The following PTPRD variants were observed in gnomAD, a reference collection of about 807,000 sequenced individuals.
PTPRD encodes the protein protein tyrosine phosphatase receptor type D, also known as receptor-type tyrosine-protein phosphatase delta.
Under a neutral mutation model 214.5 loss-of-function variants are expected in PTPRD, and 34 were observed. The ratio of observed to expected loss-of-function variants is 0.16; its 90% CI spans 0.12 to 0.21. The LOEUF is 0.21. Ranked by LOEUF, PTPRD falls within the 10% of genes least tolerant of loss-of-function variation. The pLI, the probability that PTPRD is intolerant of heterozygous loss-of-function variation, is 1.00. For synonymous variants in PTPRD, 1,128 were observed against 845.7 expected (o/e 1.33, Z -5.79); for missense variants, 2,545 against 2,398.7 (o/e 1.06, Z -1.27).
intron 14 of PTPRD, among the ~76,000 whole-genome samples, chr9:8,538,024 G>A (rs191638306): frequency 6.6e-6 from 1 of 151,892 alleles, no homozygotes; most frequent in Non-Finnish European, 1.5e-5. Context: ...CTCCTACCTA[G>A]TAACACTATT....
At chr9:9,678,956 T>A (rs1028242805) in intron 7 of PTPRD, among the ~76,000 whole-genome samples, 1 of 151,796 alleles carries the variant, frequency 6.6e-6, no homozygotes, top group Non-Finnish European at 1.5e-5. Context: ...GAAAATATTT[T>A]AAAAAATTAA....
intron 14 of PTPRD, among the ~76,000 whole-genome samples, chr9:8,558,039 G>C (rs907607112): frequency 1.3e-5 from 2 of 151,970 alleles, no homozygotes; most frequent in Non-Finnish European, 2.9e-5. Flanking sequence ...TATTATTTCT[G>C]CTACAATAAG....
intron 34 of PTPRD, among the ~76,000 whole-genome samples, chr9:8,448,505 A>C (rs2095822068): frequency 6.6e-6 from 1 of 152,232 alleles, no homozygotes; most frequent in Admixed American, 6.5e-5. Flanking sequence ...AGATGCATCC[A>C]GAGGGCTACG....
At chr9:9,474,199 T>C (rs2094847588) in intron 8 of PTPRD, among the ~76,000 whole-genome samples, 1 of 152,102 alleles carries the variant, frequency 6.6e-6, no homozygotes, top group South Asian at 2.1e-4. Context: ...TCCAGCACCA[T>C]TTATTGAAGA....
At chr9:10,343,797 T>C (rs2096994922) in intron 2 of PTPRD, among the ~76,000 whole-genome samples, 1 of 152,092 alleles carries the variant, frequency 6.6e-6, no homozygotes, top group African/African-American at 2.4e-5. Context: ...TGTCTGTTCA[T>C]ATCCTTTGCC....
intron 3 of PTPRD, among the ~76,000 whole-genome samples, chr9:10,310,555 A>G (rs1205792520): frequency 6.6e-6 from 1 of 151,986 alleles, no homozygotes; most frequent in Non-Finnish European, 1.5e-5. Flanking sequence ...AAGGGAAGAA[A>G]CATATTCACT....
intron 2 of PTPRD, among the ~76,000 whole-genome samples, chr9:10,536,552 T>C (rs935173255): frequency 6.6e-6 from 1 of 152,186 alleles, no homozygotes; most frequent in Admixed American, 6.6e-5. Flanking sequence ...TTTGCCTAAC[T>C]ACCATCCATT....
chr9:8,414,930 G>GGAGAGAGAGAGAGAGAGAGA (rs58529453), intron 35 of PTPRD, among the ~76,000 whole-genome samples: 3 of 49,250 alleles, frequency 6.1e-5, no homozygotes, highest in African/African-American at 2.3e-4. Context: ...AGAGGGAGGG[G>GGAGAGAGAGAGAGAGAGAGA]GAGAGAGAGA....
chr9:10,579,726 C>T (rs565496582), intron 2 of PTPRD, among the ~76,000 whole-genome samples: 119 of 152,266 alleles, frequency 7.8e-4, no homozygotes, highest in African/African-American at 2.6e-3. Flanking sequence ...ACATTTTCAT[C>T]AATGTGTATA....
intron 11 of PTPRD, among the ~76,000 whole-genome samples, chr9:9,015,405 C>A (rs2099530573): frequency 1.3e-5 from 2 of 152,158 alleles, no homozygotes; most frequent in Admixed American, 6.6e-5. Context: ...ACACTCCCAC[C>A]AGCGCCATGA....
intron 12 of PTPRD, among the ~76,000 whole-genome samples, chr9:8,708,678 TCAAAA>T (rs1459243444): frequency 4.1e-5 from 1 of 24,340 alleles, no homozygotes; most frequent in African/African-American, 8.9e-5. Context: ...AGACTCTGTC[TCAAAA>T]AAAAAAAAAA....
At chr9:8,472,461 T>G (rs955801882) in intron 30 of PTPRD, among the ~76,000 whole-genome samples, 2 of 152,158 alleles carry the variant, frequency 1.3e-5, no homozygotes, top group African/African-American at 4.8e-5. Flanking sequence ...ATAAACTCAG[T>G]AAACTCTCTG....
chr9:10,527,813 C>T (rs2054773316), intron 2 of PTPRD, among the ~76,000 whole-genome samples: 1 of 152,094 alleles, frequency 6.6e-6, no homozygotes, highest in Non-Finnish European at 1.5e-5. Context: ...ATTACTTATG[C>T]ATATAATTCA....
rs573609666 is a variant in PTPRD, at chr9:9,376,306, A to C, written c.-203+21143T>G. Among the ~76,000 whole-genome samples, 12 of 152,300 alleles carry C rather than the reference A, an allele frequency of 7.9e-5. No homozygotes were observed. The East Asian group carries it at 2.3e-3, about 29-fold the overall frequency. ...ACCACTAATGCAAGACTGTTTGCTC[A>C]GGTTTGAGCTGCCTCAGTTTCACCC... On this transcript the variant is annotated intron_variant, in intron 9 of 45. Coordinates refer to ENST00000381196, the MANE Select transcript of PTPRD (RefSeq NM_002839.4).
chr9:9,643,716 G>A (rs1227882340), intron 7 of PTPRD, among the ~76,000 whole-genome samples: 4 of 152,064 alleles, frequency 2.6e-5, no homozygotes, highest in Non-Finnish European at 4.4e-5. Flanking sequence ...TAATGATATC[G>A]CTGGATCACT....
intron 35 of PTPRD, among the ~76,000 whole-genome samples, chr9:8,424,985 C>G (rs1535674): frequency 0.51 from 77,518 of 151,952 alleles, 20,182 homozygotes; most frequent in East Asian, 0.74. Context: ...TTCATGTAAT[C>G]TCTTAATGCT....
At chr9:10,208,040 T>C (rs910785782) in intron 3 of PTPRD, among the ~76,000 whole-genome samples, 4 of 152,176 alleles carry the variant, frequency 2.6e-5, no homozygotes, top group South Asian at 2.1e-4. Context: ...GCATCAGAAG[T>C]TGTCGATCAT....
rs1389430860 is a variant in PTPRD, at chr9:8,583,347, G to A, written c.352+49970C>T. Among the ~76,000 whole-genome samples, 3 of 152,086 alleles carry A rather than the reference G, an allele frequency of 2.0e-5. No individual in the cohort carries two copies. The East Asian group carries it at 5.8e-4, about 29-fold the overall frequency. On this transcript the variant is annotated intron_variant, in intron 14 of 45. Transcript: ENST00000381196. The stretch of plus-strand genomic sequence containing the variant: ...GATTTAGACAACATGTTTCAACACG[G>A]ATTATTTGTTTTTAGAGACAGCATG...
At chr9:10,581,890 CAAG>C (rs1246122849) in intron 2 of PTPRD, among the ~76,000 whole-genome samples, 1 of 152,112 alleles carries the variant, frequency 6.6e-6, no homozygotes, top group Non-Finnish European at 1.5e-5. Context: ...TAAGCACCAT[CAAG>C]CTACATCACC....
Sources: gnomAD v4.1 joint callset for allele counts (sites outside exome capture counted in the v4.1 genomes callset) on GRCh38, gnomAD v4.1.1 for gene constraint, MANE v1.5 for transcripts, NCBI Gene and HGNC (gene_info 2026-07-23, HGNC 2026-07-21) for gene names.